GRIK3: variants seen among roughly 807,000 people sequenced by gnomAD.
GRIK3 encodes the protein glutamate receptor ionotropic, kainate 3.
A neutral mutation model predicts 102.5 loss-of-function variants in GRIK3; 29 were observed. The ratio of observed to expected loss-of-function variants is 0.28; its 90% confidence interval spans 0.21 to 0.39. GRIK3 has a LOEUF of 0.39. Among genes scored for constraint, GRIK3 ranks in the 10% least tolerant of loss-of-function variants. The pLI is 1.00. For missense variants in GRIK3, 908 were observed against 1,252.4 expected, an observed-to-expected ratio of 0.73 and a Z score of 4.15; for synonymous variants, 511 against 504.9, an observed-to-expected ratio of 1.01 and a Z score of -0.16.
chr1:36,829,026 C>G (rs1265520050), intron 10 of GRIK3, among the ~76,000 whole-genome samples: 1 of 152,208 alleles, frequency 6.6e-6, no homozygotes, highest in Non-Finnish European at 1.5e-5. Flanking sequence ...CATTCTATAC[C>G]TACGGTGGCA....
intron 1 of GRIK3, among the ~76,000 whole-genome samples, chr1:36,963,797 T>G (rs763246768): frequency 2.6e-5 from 4 of 152,170 alleles, no homozygotes; most frequent in Non-Finnish European, 4.4e-5. Context: ...GCTTTCCAGG[T>G]TGGTGTGACC....
chr1:36,812,777 T>C (rs1467678732), intron 13 of GRIK3, among the ~76,000 whole-genome samples: 1 of 152,144 alleles, frequency 6.6e-6, no homozygotes, highest in Non-Finnish European at 1.5e-5. Context: ...AGGGCGTTTT[T>C]TTAAGACTGT....
intron 1 of GRIK3, among the ~76,000 whole-genome samples, chr1:36,911,801 G>A (rs1053601584): frequency 6.6e-6 from 1 of 152,036 alleles, no homozygotes; most frequent in Non-Finnish European, 1.5e-5. Flanking sequence ...ACTGAGCGGG[G>A]AGCTGTGGAG....
At position 37,034,097 on chromosome 1, in the gene GRIK3, G is replaced by C; in HGVS notation, c.12C>G (p.Pro4=). 1 of 1,579,336 alleles carries C rather than the reference G, an allele frequency of 6.3e-7. No individual in the cohort carries two copies. The highest frequency in any genetic ancestry group is 8.6e-7 in the Non-Finnish European group (1 of 1,162,506). The change falls in exon 1 of 16, where the codon CCC becomes CCG. Residue 4 remains proline (P), a synonymous_variant. Coordinates refer to ENST00000373091, the MANE Select transcript of GRIK3 (RefSeq NM_000831.4). ...AAACCAGACTCCGGAGGCGCCGCCA[G>C]GGAGCGGTCATCGTTGGGCGCCGCC... is the stretch of plus-strand genomic sequence containing the variant. The part of the protein sequence containing the change: MTA[P]WRRLRSLVWE...
rs1641283761 is a variant in GRIK3, at chr1:36,906,297, T to TTG, written c.116-15202_116-15201insCA. On this transcript the variant is annotated intron_variant, in intron 1 of 15. Coordinates refer to ENST00000373091, the MANE Select transcript of GRIK3 (RefSeq NM_000831.4). ...CAGTCCCAAACCTAGCTCTATCCAC[T>TTG]GGAGGAAGTTACTCAGACTCTCTGA... Among the ~76,000 whole-genome samples the TTG allele has an allele frequency of 3.0e-4, 46 of 152,164 alleles. 2 individuals carry two copies. Among genetic ancestry groups the TTG allele is most frequent in the Admixed American group, 3.0e-3 (46 of 15,290 alleles).
intron 3 of GRIK3, among the ~76,000 whole-genome samples, chr1:36,878,419 C>A (rs1345027010): frequency 1.3e-5 from 2 of 152,214 alleles, no homozygotes; most frequent in Non-Finnish European, 2.9e-5. Context: ...AAATAAACAG[C>A]TTTCCAATTG....
intron 11 of GRIK3, among the ~76,000 whole-genome samples, chr1:36,821,767 AG>A (rs753595161): frequency 2.0e-5 from 3 of 152,162 alleles, no homozygotes; most frequent in Non-Finnish European, 4.4e-5. Context: ...CCATGAAGAG[AG>A]GCCTTGCCAG....
intron 15 of GRIK3, among the ~76,000 whole-genome samples, chr1:36,803,882 C>T (rs1170506326): frequency 2.0e-5 from 3 of 152,180 alleles, no homozygotes; most frequent in Non-Finnish European, 2.9e-5. Context: ...TTATAATTTA[C>T]ACTTCAGCAA....
chr1:36,981,210 G>A (rs1335860121), intron 1 of GRIK3, among the ~76,000 whole-genome samples: 2 of 152,160 alleles, frequency 1.3e-5, no homozygotes, highest in African/African-American at 2.4e-5. Flanking sequence ...GAGTTGCCTT[G>A]GTCAACTCGG....
At chr1:36,875,093 G>A (rs1424629220) in intron 3 of GRIK3, among the ~76,000 whole-genome samples, 3 of 152,146 alleles carry the variant, frequency 2.0e-5, no homozygotes, top group Non-Finnish European at 4.4e-5. Flanking sequence ...AATCCTAGAA[G>A]GCATATAGAA....
chr1:36,826,076 A>G (rs1226131113), intron 10 of GRIK3, among the ~76,000 whole-genome samples: 1 of 152,230 alleles, frequency 6.6e-6, no homozygotes, highest in Non-Finnish European at 1.5e-5. Context: ...AGGGTGGTGG[A>G]ATAAACATGC....
chr1:36,804,911 C>T lies in GRIK3; in HGVS notation c.2565+76G>A, dbSNP rs540713303. On this transcript the variant is annotated intron_variant, in intron 15 of 15. Transcript: ENST00000373091. Reference sequence around the variant, plus strand: ...GGCTGAGATGAGACACCACTGTGTGCCTGGCACATACAGGAGTGAAATCAG... The same window carrying T: ...GGCTGAGATGAGACACCACTGTGTGTCTGGCACATACAGGAGTGAAATCAG... The T allele has an allele frequency of 4.6e-5, 71 of 1,544,560 alleles. 1 individual carries two copies. The South Asian group carries it at 7.1e-4, about 15-fold the overall frequency.
In GRIK3 at chr1:36,872,397, C is replaced by A. The variant is rs564254277; in HGVS notation, c.551-28G>T. 6.5e-7 allele frequency: 1 copy of A among 1,527,088 alleles called. No homozygotes were observed. 94.6% of individuals were successfully genotyped at this position (1,527,088 alleles called of 1,614,324 possible). A position where few individuals can be genotyped will look rare whatever the true frequency, so the allele number is the denominator to read the frequency against. On this transcript the variant is annotated intron_variant, in intron 3 of 15. Transcript: ENST00000373091. The surrounding 1 kb of genome is among the most constrained non-coding windows in gnomAD (Gnocchi z 5.9). ...GAGGGGCCATGGAGCACAAAAGACACACGTGTACCACATGTATCCACAGCT... is the reference window on the plus strand; with the variant it reads ...GAGGGGCCATGGAGCACAAAAGACAAACGTGTACCACATGTATCCACAGCT...
chr1:36,804,710 T>C (rs758262287), intron 15 of GRIK3: 106 of 543,242 alleles, frequency 2.0e-4, no homozygotes, highest in Non-Finnish European at 3.0e-4. Context: ...TTGTGGATGG[T>C]GTTGGGGAAG....
chr1:36,865,945 T>C (rs1453049743), intron 5 of GRIK3, among the ~76,000 whole-genome samples: 2 of 152,220 alleles, frequency 1.3e-5, no homozygotes, highest in Non-Finnish European at 2.9e-5. Context: ...AGCGGCACAA[T>C]CTTAGCTCAC....
intron 2 of GRIK3, among the ~76,000 whole-genome samples, chr1:36,889,104 A>G (rs1166631595): frequency 1.3e-5 from 2 of 152,028 alleles, no homozygotes; most frequent in African/African-American, 4.8e-5. Flanking sequence ...GAAATGTACA[A>G]TAATCACATG....
intron 1 of GRIK3, among the ~76,000 whole-genome samples, chr1:36,901,905 T>G (rs1641235498): frequency 6.6e-6 from 1 of 152,346 alleles, no homozygotes; most frequent in East Asian, 1.9e-4. Flanking sequence ...ACGGTTAATA[T>G]GCAAAAGTCA....
At chr1:36,811,356 A>C (rs1292246317) in intron 13 of GRIK3, among the ~76,000 whole-genome samples, 2 of 152,078 alleles carry the variant, frequency 1.3e-5, no homozygotes, top group Admixed American at 1.3e-4. Context: ...GGCTGGGGGG[A>C]GTCTGTAAAC....
chr1:37,030,151 C>T lies in GRIK3; in HGVS notation c.115+3843G>A, dbSNP rs548475784. Among the ~76,000 whole-genome samples the T allele has an allele frequency of 3.9e-5, 6 of 152,184 alleles. No individual in the cohort carries two copies. In the East Asian group the frequency reaches 5.8e-4, roughly 15 times the overall value. ...CAAGTTAATGCTCTCTAAGGCCCCG[C>T]GGGCCACTCCCAGGTCTTGTCTGAA... On this transcript the variant is annotated intron_variant, in intron 1 of 15. Coordinates refer to ENST00000373091, the MANE Select transcript of GRIK3 (RefSeq NM_000831.4).
Sources: allele counts gnomAD v4.1 joint callset (sites outside exome capture counted in the v4.1 genomes callset), GRCh38; gene constraint gnomAD v4.1.1; non-coding constraint Gnocchi (gnomAD v3.1); transcripts MANE v1.5; gene names NCBI Gene and HGNC (gene_info 2026-07-23, HGNC 2026-07-21).